MGST1: variants seen among roughly 807,000 people sequenced by gnomAD.
The protein encoded by MGST1 is microsomal glutathione S-transferase 1, also known as glutathione S-transferase 12.
Under a neutral mutation model 8.9 loss-of-function variants are expected in MGST1, and 5 were observed. The ratio of observed to expected loss-of-function variants is 0.56; its 90% CI spans 0.29 to 1.19. The LOEUF (loss-of-function observed/expected upper bound fraction) is 1.19. Among genes scored for constraint, MGST1 ranks in the 50% most tolerant of loss-of-function variants. MGST1 has a pLI of 0.08. For synonymous variants in MGST1, 54 were observed against 67.8 expected, an observed-to-expected ratio of 0.80 and a Z score of 1.00; for missense variants, 182 against 187.4, an observed-to-expected ratio of 0.97 and a Z score of 0.17.
intron 4 of MGST1, among the ~76,000 whole-genome samples, chr12:16,451,458 A>C (rs1330467428): frequency 6.6e-6 from 1 of 151,912 alleles, no homozygotes; most frequent in African/African-American, 2.4e-5. Flanking sequence ...TTCTCAAAAA[A>C]ACTTTGTTCC....
chr12:16,545,747 A>C (rs1430545239), intron 4 of MGST1, among the ~76,000 whole-genome samples: 4 of 152,106 alleles, frequency 2.6e-5, no homozygotes, highest in Non-Finnish European at 5.9e-5. Flanking sequence ...GGTTGAAAGA[A>C]AGAGCTCCCA....
intron 1 of MGST1, among the ~76,000 whole-genome samples, chr12:16,421,163 G>T (rs984754630): frequency 6.6e-6 from 1 of 152,132 alleles, no homozygotes; most frequent in African/African-American, 2.4e-5. Context: ...ACCCGTGGCT[G>T]CTGCACATAT....
chr12:16,389,887 G>C lies in MGST1; in HGVS notation n.778+6283G>C, dbSNP rs1010640299. On this transcript the variant is annotated intron_variant and non_coding_transcript_variant, in intron 1 of 1. Transcript: ENST00000359720. The surrounding 1 kb of genome is among the most constrained non-coding windows in gnomAD (Gnocchi z 4.6). ...TCCCAAGGGGAAGTTGTAATGAAGAGTGAGGCAGGATTGCGTAAGTAGAAA... is the reference window on the plus strand; with the variant it reads ...TCCCAAGGGGAAGTTGTAATGAAGACTGAGGCAGGATTGCGTAAGTAGAAA... Among the ~76,000 whole-genome samples, 1 of 152,160 alleles carries C rather than the reference G, an allele frequency of 6.6e-6. No homozygotes were observed. Among genetic ancestry groups the C allele is most frequent in the Non-Finnish European group, 1.5e-5 (1 of 68,032 alleles).
At chr12:16,380,083 C>A (rs1940434695), downstream of MGST1, among the ~76,000 whole-genome samples, 1 of 151,944 alleles carries the variant, frequency 6.6e-6, no homozygotes, top group Non-Finnish European at 1.5e-5. Flanking sequence ...TTGATCTTTT[C>A]AAAAAACCAG....
At chr12:16,453,855 A>G (rs1040058092) in intron 4 of MGST1, among the ~76,000 whole-genome samples, 2 of 151,884 alleles carry the variant, frequency 1.3e-5, no homozygotes, top group Middle Eastern at 3.2e-3. Context: ...TGAATCAGGG[A>G]TCCATGCTAC....
chr12:16,509,367 T>C (rs746157322), intron 4 of MGST1, among the ~76,000 whole-genome samples: 2 of 152,184 alleles, frequency 1.3e-5, no homozygotes, highest in Admixed American at 1.3e-4. Context: ...TCTACTATTA[T>C]CACACTTACA....
intron 4 of MGST1, among the ~76,000 whole-genome samples, chr12:16,536,588 G>A (rs752685980): frequency 1.3e-5 from 2 of 152,104 alleles, no homozygotes; most frequent in African/African-American, 4.8e-5. Flanking sequence ...TGCTGATAAC[G>A]ACATACCCAA....
intron 4 of MGST1, among the ~76,000 whole-genome samples, chr12:16,524,006 A>G (rs1941665718): frequency 6.6e-6 from 1 of 152,134 alleles, no homozygotes; most frequent in Non-Finnish European, 1.5e-5. Flanking sequence ...ATTTCTTCCC[A>G]GGAAAGAAAA....
At chr12:16,508,288 CA>C (rs1364893064) in intron 4 of MGST1, among the ~76,000 whole-genome samples, 1 of 152,112 alleles carries the variant, frequency 6.6e-6, no homozygotes, top group Non-Finnish European at 1.5e-5. Flanking sequence ...GAACTCAGCT[CA>C]AAAAGAACTC....
downstream of MGST1, among the ~76,000 whole-genome samples, chr12:16,369,025 G>T (rs1940242517): frequency 6.6e-6 from 1 of 152,224 alleles, no homozygotes; most frequent in East Asian, 1.9e-4. This position sits in a 1 kb window ranked among gnomAD's most constrained non-coding sequence, Gnocchi z 4.8. Context: ...GTTGCCTAAA[G>T]TTCTTAGTCT....
At chr12:16,530,594 T>G (rs1325933528) in intron 4 of MGST1, among the ~76,000 whole-genome samples, 29 of 152,286 alleles carry the variant, frequency 1.9e-4, no homozygotes, top group Non-Finnish European at 1.5e-5. Flanking sequence ...GGCCAGTTTA[T>G]GGAGGGGGTG....
chr12:16,352,872 C>T (rs1939531022), intron 1 of MGST1, among the ~76,000 whole-genome samples: 1 of 152,116 alleles, frequency 6.6e-6, no homozygotes, highest in African/African-American at 2.4e-5. Context: ...TATCCTGCTT[C>T]TCCTTCTTTA....
intron 1 of MGST1, among the ~76,000 whole-genome samples, chr12:16,348,088 GTTC>G (rs1158988681): frequency 3.3e-5 from 5 of 152,178 alleles, no homozygotes; most frequent in Admixed American, 1.3e-4. Flanking sequence ...AACGACTGCT[GTTC>G]TCCCCAAGAG....
intron 4 of MGST1, among the ~76,000 whole-genome samples, chr12:16,543,596 AT>A (rs1210325233): frequency 6.6e-6 from 1 of 151,900 alleles, no homozygotes; most frequent in African/African-American, 2.4e-5. Context: ...ATCAGACATT[AT>A]GTTAAATGCT....
chr12:16,444,482 A>G (rs1458065092), intron 4 of MGST1, among the ~76,000 whole-genome samples: 1 of 151,886 alleles, frequency 6.6e-6, no homozygotes, highest in Non-Finnish European at 1.5e-5. Context: ...AGCTTCAGCT[A>G]TTGGGAAGAT....
intron 4 of MGST1, among the ~76,000 whole-genome samples, chr12:16,494,350 A>T (rs1941457138): frequency 6.6e-6 from 1 of 152,116 alleles, no homozygotes; most frequent in Admixed American, 6.6e-5. Flanking sequence ...TTCTCAGAGG[A>T]TTTATGCTTT....
intron 1 of MGST1, among the ~76,000 whole-genome samples, chr12:16,418,462 GA>G (rs1940804688): frequency 6.6e-6 from 1 of 152,146 alleles, no homozygotes. Flanking sequence ...ATCAGCAGAA[GA>G]TTTGGGTTTA....
Position 16,452,339 on chromosome 12 carries a change from C to T in MGST1, n.482+68735C>T, listed in dbSNP as rs557735246. On this transcript the variant is annotated intron_variant and non_coding_transcript_variant, in intron 4 of 4. Coordinates refer to the MGST1 transcript ENST00000538857. ...TTGCCACATCATATACTAGTGGATG[C>T]TCTCAAATTCACTTCCTTGTATTCA... Among the ~76,000 whole-genome samples, 11 of 151,342 alleles carry T rather than the reference C, an allele frequency of 7.3e-5. No homozygotes were observed. The East Asian group carries it at 2.1e-3, about 30-fold the overall frequency.
chr12:16,507,831 C>T (rs1035929176), intron 4 of MGST1, among the ~76,000 whole-genome samples: 3 of 152,056 alleles, frequency 2.0e-5, no homozygotes, highest in African/African-American at 4.8e-5. Context: ...TAGCCCCCTC[C>T]CCCAACATTA....
Sources: allele counts gnomAD v4.1 joint callset (sites outside exome capture counted in the v4.1 genomes callset), GRCh38; gene constraint gnomAD v4.1.1; non-coding constraint Gnocchi (gnomAD v3.1); transcripts MANE v1.5; gene names NCBI Gene and HGNC (gene_info 2026-07-23, HGNC 2026-07-21).